Variants in MYO5B observed in about 807,000 individuals in gnomAD.
MYO5B encodes myosin VB.
Under a neutral mutation model 229.3 loss-of-function variants are expected in MYO5B, and 143 were observed. That is an observed-to-expected ratio of 0.62 (90% CI 0.54 to 0.72). The LOEUF is 0.72. MYO5B is among the 30% of genes least tolerant of loss of function. The probability of loss-of-function intolerance (pLI) is 0.00; values close to 1 mark genes in which losing one functional copy is unlikely to be tolerated. For missense variants in MYO5B, 2,321 were observed against 2,331.0 expected, an observed-to-expected ratio of 1.00 and a Z score of 0.09; for synonymous variants, 918 against 885.2, an observed-to-expected ratio of 1.04 and a Z score of -0.66.
rs1458905749 is a variant in MYO5B at position 50,149,005 on chromosome 18, T to C, written c.27+45762A>G. Among the ~76,000 whole-genome samples the C allele has an allele frequency of 5.3e-5, 8 of 150,868 alleles. No homozygotes were observed. In the South Asian group the frequency reaches 1.7e-3, roughly 31 times the overall value. ...GCAAAGTCTCAGGATACAAAATCAA[T>C]GTACAAAAATCACAAGCATTCTTAT... is the stretch of plus-strand genomic sequence containing the variant. On this transcript the variant is annotated intron_variant, in intron 1 of 39. Transcript: ENST00000285039.
intron 1 of MYO5B, among the ~76,000 whole-genome samples, chr18:50,080,847 A>G (rs1451758271): frequency 1.3e-5 from 2 of 152,212 alleles, no homozygotes; most frequent in Non-Finnish European, 2.9e-5. Context: ...TGAGGTGTTC[A>G]TGCAGCAGGG....
At chr18:50,074,957 A>C (rs957905348) in intron 1 of MYO5B, among the ~76,000 whole-genome samples, 7 of 151,466 alleles carry the variant, frequency 4.6e-5, no homozygotes, top group Non-Finnish European at 1.0e-4. Flanking sequence ...AGTATCTGGG[A>C]TTACAGGCGC....
chr18:50,112,422 G>C (rs893977430), intron 1 of MYO5B, among the ~76,000 whole-genome samples: 2 of 152,116 alleles, frequency 1.3e-5, no homozygotes, highest in African/African-American at 4.8e-5. Flanking sequence ...TCCCCATCAA[G>C]AGGCAAAGGC....
intron 39 of MYO5B, among the ~76,000 whole-genome samples, chr18:49,830,474 G>A (rs1047232730): frequency 1.9e-4 from 29 of 152,086 alleles, no homozygotes; most frequent in Middle Eastern, 3.4e-3. Flanking sequence ...TCCCAATGAC[G>A]TTTTTTGCAG....
intron 10 of MYO5B, chr18:49,970,018 T>C (rs1350045954): frequency 1.3e-5 from 2 of 152,342 alleles, no homozygotes; most frequent in Admixed American, 6.5e-5. Context: ...TTTTCCCAAA[T>C]TGAAGCCGTT....
In MYO5B at chr18:49,929,608, G is replaced by GA; in HGVS notation, c.2004-11dup. 7.1e-7 allele frequency: 1 copy of GA among 1,409,464 alleles called. No individual in the cohort carries two copies. Among genetic ancestry groups the GA allele is most frequent in the Non-Finnish European group, 9.3e-7 (1 of 1,078,106 alleles). 87.3% of individuals were successfully genotyped at this position (1,409,464 alleles called of 1,614,324 possible). A position where few individuals can be genotyped will look rare whatever the true frequency, so the allele number is the denominator to read the frequency against. On this transcript the variant is annotated splice_polypyrimidine_tract_variant and intron_variant, in intron 16 of 39. Transcript: ENST00000285039. The stretch of plus-strand genomic sequence containing the variant: ...TCTCTTTGGGTCAAAGCTGCCAAAG[G>GA]AGAAAAAAAAAAAAAAAAGCAAGAC...
chr18:50,098,385 A>G (rs532921223), intron 1 of MYO5B, among the ~76,000 whole-genome samples: 2 of 152,294 alleles, frequency 1.3e-5, no homozygotes, highest in East Asian at 1.9e-4. Context: ...ATGGATTCCA[A>G]TGAAGTTATA....
At chr18:49,864,933 C>T (rs1342502733) in intron 27 of MYO5B, among the ~76,000 whole-genome samples, 1 of 152,182 alleles carries the variant, frequency 6.6e-6, no homozygotes, top group African/African-American at 2.4e-5. Flanking sequence ...CACCAACTGT[C>T]CCTGTCAGCA....
chr18:50,101,481 A>C (rs2031654113), intron 1 of MYO5B, among the ~76,000 whole-genome samples: 1 of 152,124 alleles, frequency 6.6e-6, no homozygotes, highest in African/African-American at 2.4e-5. Context: ...ATGGGAGAAA[A>C]TTTTTGCAAT....
At chr18:50,103,262 C>T (rs948716433) in intron 1 of MYO5B, among the ~76,000 whole-genome samples, 1 of 152,234 alleles carries the variant, frequency 6.6e-6, no homozygotes, top group Non-Finnish European at 1.5e-5. Context: ...AAGCCACTAT[C>T]TTAGTTTCCA....
intron 39 of MYO5B, among the ~76,000 whole-genome samples, chr18:49,831,120 A>G (rs1045691023): frequency 1.3e-5 from 2 of 152,168 alleles, no homozygotes; most frequent in African/African-American, 4.8e-5. Context: ...TGGGACATTC[A>G]CCTTATACCA....
intron 1 of MYO5B, among the ~76,000 whole-genome samples, chr18:50,142,426 A>G (rs1195989160): frequency 2.0e-5 from 3 of 152,228 alleles, no homozygotes. Flanking sequence ...AGGGAACCAG[A>G]TATTCATGAG....
At chr18:49,898,484 C>T (rs532787096) in intron 21 of MYO5B, among the ~76,000 whole-genome samples, 1 of 152,294 alleles carries the variant, frequency 6.6e-6, no homozygotes, top group African/African-American at 2.4e-5. Context: ...TGGCAGAGAG[C>T]CGAGTTCACG....
chr18:50,194,818 C>T lies in MYO5B; in HGVS notation c.-25G>A. 1 of 1,321,512 alleles carries T rather than the reference C, an allele frequency of 7.6e-7. No individual in the cohort carries two copies. The highest frequency in any genetic ancestry group is 9.6e-7 in the Non-Finnish European group (1 of 1,040,156). The allele number at this position is 1,321,512 out of a possible 1,614,324, so 81.9% of individuals were successfully genotyped here. ...TGGCCCGGGCCGGGCGGGGCTCGGG[C>T]CCCGGCTCCTGGCTGCCCCGCGGCT... is the stretch of plus-strand genomic sequence containing the variant. On this transcript the variant is annotated 5_prime_UTR_variant, in exon 1 of 40. Coordinates refer to ENST00000285039, the MANE Select transcript of MYO5B (RefSeq NM_001080467.3).
At chr18:49,879,268 G>T in intron 23 of MYO5B, 178 bp from the exon 24 acceptor site, 1 of 716,330 alleles carries the variant, frequency 1.4e-6, no homozygotes, top group Non-Finnish European at 2.4e-6. Context: ...TCATTACTCT[G>T]GCTTAGTCTT....
chr18:49,912,468 C>T (rs181041854), intron 17 of MYO5B, among the ~76,000 whole-genome samples: 12 of 152,292 alleles, frequency 7.9e-5, no homozygotes, highest in African/African-American at 2.9e-4. Context: ...GCTGTGTCCC[C>T]ACCCAAATCT....
intron 10 of MYO5B, among the ~76,000 whole-genome samples, chr18:49,973,833 T>C (rs765089710): frequency 1.2e-4 from 19 of 152,308 alleles, no homozygotes; most frequent in Middle Eastern, 3.4e-3. Context: ...GCTGGAATTC[T>C]GAAAGGAAGA....
chr18:49,963,056 A>C (rs1038213408), intron 10 of MYO5B, 26 bp from the exon 11 acceptor site: 1 of 1,594,372 alleles, frequency 6.3e-7, no homozygotes, highest in African/African-American at 1.3e-5. Context: ...AGAAGATAAG[A>C]GACGTCTCCT....
At chr18:49,933,272 C>T (rs2025214427) in intron 16 of MYO5B, among the ~76,000 whole-genome samples, 1 of 152,206 alleles carries the variant, frequency 6.6e-6, no homozygotes, top group South Asian at 2.1e-4. Context: ...GACAACCGCC[C>T]CAGGCCACTG....
Sources: allele counts gnomAD v4.1 joint callset (sites outside exome capture counted in the v4.1 genomes callset), GRCh38; gene constraint gnomAD v4.1.1; transcripts MANE v1.5; gene names NCBI Gene and HGNC (gene_info 2026-07-23, HGNC 2026-07-21).